ABCA1: variants seen among roughly 807,000 people sequenced by gnomAD.
ABCA1 encodes the protein ATP binding cassette subfamily A member 1.
In ABCA1, 133 loss-of-function variants were observed where a neutral mutation model predicts 262.5. That is an observed-to-expected ratio of 0.51 (90% CI 0.44 to 0.59). ABCA1 has a LOEUF of 0.59. ABCA1 is among the 20% of genes least tolerant of loss of function. The pLI is 0.00. For synonymous variants in ABCA1, 1,022 were observed against 1,043.5 expected (o/e 0.98, Z 0.40); for missense variants, 2,452 against 2,777.5 (o/e 0.88, Z 2.63).
At chr9:104,913,638 A>G (rs1427530376) in intron 1 of ABCA1, among the ~76,000 whole-genome samples, 1 of 152,130 alleles carries the variant, frequency 6.6e-6, no homozygotes, top group East Asian at 1.9e-4. Flanking sequence ...ATTATACGGT[A>G]TCCTGTTGCC....
At chr9:104,861,633 G>T in intron 6 of ABCA1, 46 bp downstream of exon 6, 1 of 1,612,904 alleles carries the variant, frequency 6.2e-7, no homozygotes, top group South Asian at 1.1e-5. Flanking sequence ...GCTGCACAAC[G>T]TAATTGCCAT....
intron 5 of ABCA1, among the ~76,000 whole-genome samples, chr9:104,870,589 C>A (rs1837513493): frequency 6.6e-6 from 1 of 152,176 alleles, no homozygotes; most frequent in Non-Finnish European, 1.5e-5. Context: ...AGAGGCAGGG[C>A]CTTTAAGGGG....
intron 5 of ABCA1, among the ~76,000 whole-genome samples, chr9:104,862,645 G>C (rs1285813102): frequency 0.04 from 51 of 1,286 alleles, no homozygotes; most frequent in East Asian, 0.12. Flanking sequence ...GGGCCGGGCC[G>C]GGCCGGGCCG....
At chr9:104,863,394 A>G (rs950945327) in intron 5 of ABCA1, among the ~76,000 whole-genome samples, 4 of 152,216 alleles carry the variant, frequency 2.6e-5, no homozygotes, top group African/African-American at 9.6e-5. Context: ...CTGAGCCCAC[A>G]TGGCCAGGCA....
intron 3 of ABCA1, among the ~76,000 whole-genome samples, chr9:104,887,359 G>A (rs1839272401): frequency 6.6e-6 from 1 of 152,248 alleles, no homozygotes; most frequent in Non-Finnish European, 1.5e-5. Flanking sequence ...GAACTTTTCT[G>A]AAAATTTATG....
At chr9:104,911,160 A>G (rs1023156109) in intron 1 of ABCA1, among the ~76,000 whole-genome samples, 5 of 152,240 alleles carry the variant, frequency 3.3e-5, no homozygotes, top group Non-Finnish European at 7.3e-5. Context: ...GGATTTAACT[A>G]CATCAGATAT....
chr9:104,810,892 G>C lies in ABCA1; in HGVS notation c.4083C>G (p.Ala1361=), dbSNP rs371654931. The stretch of plus-strand genomic sequence containing the variant: ...GTGGCACGATCAGGCTGAACACAAG[G>C]GCAATGCAGACAAACACAGCTGGCA... ...IVLPAVFVCI[A]LVFSLIVPPF... is the part of the protein sequence containing the mutation. The change falls in exon 29 of 50, where the codon GCC becomes GCG. Residue 1361 remains alanine, a synonymous_variant. Transcript: ENST00000374736. The C allele has an allele frequency of 2.5e-6, 4 of 1,614,112 alleles. No homozygotes were observed. Among genetic ancestry groups the C allele is most frequent in the Non-Finnish European group, 3.4e-6 (4 of 1,180,050 alleles).
At chr9:104,803,456 G>T (rs538502666) in intron 32 of ABCA1, 140 bp from the exon 33 acceptor site, 13 of 868,138 alleles carry the variant, frequency 1.5e-5, no homozygotes, top group Non-Finnish European at 2.5e-5. Flanking sequence ...TTGTAGGGTT[G>T]TGCTAGAGAA....
intron 5 of ABCA1, among the ~76,000 whole-genome samples, chr9:104,882,031 A>AAAAAAAAAAAAAAAAAAC (rs1838706849): frequency 3.5e-5 from 2 of 57,046 alleles, no homozygotes; most frequent in Non-Finnish European, 7.8e-5. Context: ...GTAGCCTTAA[A>AAAAAAAAAAAAAAAAAAC]AAAAAAAAAA....
At chr9:104,916,847 AAAATATGTCTTTTTGATGAAG>A (rs72353130) in intron 1 of ABCA1, among the ~76,000 whole-genome samples, 7,405 of 152,196 alleles carry the variant, frequency 0.049, 235 homozygotes, top group African/African-American at 0.095. Context: ...GCCCAGCCAG[AAAATATGTCTTTTTGATGAAG>A]AAGCTGAAGT....
intron 9 of ABCA1, among the ~76,000 whole-genome samples, chr9:104,839,043 G>A (rs899962914): frequency 2.0e-5 from 3 of 152,152 alleles, no homozygotes; most frequent in African/African-American, 7.2e-5. Context: ...GCCTCACTCA[G>A]TGTCTGAAAG....
intron 5 of ABCA1, among the ~76,000 whole-genome samples, chr9:104,868,367 CA>C (rs944359281): frequency 1.3e-5 from 2 of 151,754 alleles, no homozygotes; most frequent in African/African-American, 4.8e-5. Flanking sequence ...AACAAACAAA[CA>C]AAAAAAACGG....
At chr9:104,924,455 C>T in intron 1 of ABCA1, among the ~76,000 whole-genome samples, 1 of 151,772 alleles carries the variant, frequency 6.6e-6, no homozygotes, top group African/African-American at 2.4e-5. Flanking sequence ...ACTAAAAACA[C>T]AAAAACTAGC....
In ABCA1 at chr9:104,825,800, G is replaced by C; in HGVS notation, c.2425C>G (p.Leu809Val). ...EQGIGVQWDN[L>V]FESPVEEDGF... Reference sequence around the variant, plus strand: ...TCTTCCTCCACAGGACTCTCAAACAGGTTGTCCCACTGCACTCCAATGCCC... The same window carrying C: ...TCTTCCTCCACAGGACTCTCAAACACGTTGTCCCACTGCACTCCAATGCCC... Residue 809 changes from leucine to valine, a missense_variant, in exon 17 of 50, where the codon CTG (leucine) becomes GTG (valine). This residue lies in a region of ABCA1 where 1,032 missense variants were observed against 1,089.7 expected (regional missense o/e 0.95). Coordinates refer to ENST00000374736, the MANE Select transcript of ABCA1 (RefSeq NM_005502.4). 6.2e-7 allele frequency: 1 copy of C among 1,614,182 alleles called. No individual in the cohort carries two copies. The highest frequency in any genetic ancestry group is 8.5e-7 in the Non-Finnish European group (1 of 1,180,042).
At chr9:104,834,553 T>C (rs1463388920) in intron 11 of ABCA1, among the ~76,000 whole-genome samples, 2 of 148,516 alleles carry the variant, frequency 1.3e-5, no homozygotes, top group Non-Finnish European at 3.0e-5. Flanking sequence ...CCCTGCCCAG[T>C]ATGGTTTCTG....
At chr9:104,825,938 T>G in intron 16 of ABCA1, 51 bp from the exon 17 acceptor site, 1 of 1,582,698 alleles carries the variant, frequency 6.3e-7, no homozygotes, top group Non-Finnish European at 8.7e-7. Flanking sequence ...AGTCTCATTT[T>G]TCTATCTCTT....
At chr9:104,850,485 T>C (rs965266905) in intron 7 of ABCA1, among the ~76,000 whole-genome samples, 4 of 151,218 alleles carry the variant, frequency 2.6e-5, no homozygotes, top group African/African-American at 9.7e-5. Context: ...ATAATTTTCT[T>C]TTTAATTCAA....
intron 39 of ABCA1, 105 bp downstream of exon 39, chr9:104,795,948 C>T (rs1031865737): frequency 8.2e-6 from 12 of 1,465,956 alleles, no homozygotes; most frequent in Middle Eastern, 2.4e-4. Context: ...AGGCAGTCAG[C>T]AGTGTCAATA....
Position 104,814,418 on chromosome 9 carries a change from G to A in ABCA1, c.3787+9C>T. On this transcript the variant is annotated intron_variant, in intron 26 of 49. Transcript: ENST00000374736. ...TCTTAAGTGTGCCATTCTCCCTCAA[G>A]GCAGTTACCTGAGGTCTCAGCATCC... 6.2e-7 allele frequency: 1 copy of A among 1,614,040 alleles called. No homozygotes were observed. The highest frequency in any genetic ancestry group is 8.5e-7 in the Non-Finnish European group (1 of 1,179,922).
Sources: gnomAD v4.1 joint callset for allele counts (sites outside exome capture counted in the v4.1 genomes callset) on GRCh38, gnomAD v4.1.1 for gene constraint, gnomAD v4.1.1 regional missense constraint, MANE v1.5 for transcripts, NCBI Gene and HGNC (gene_info 2026-07-23, HGNC 2026-07-21) for gene names.